PKIB: variants seen among roughly 807,000 people sequenced by gnomAD.
The protein encoded by PKIB is cAMP-dependent protein kinase inhibitor beta, also known as PKI-beta.
A neutral mutation model predicts 4.5 loss-of-function variants in PKIB; 2 were observed. That is an observed-to-expected ratio of 0.44 (90% CI 0.18 to 1.39). The LOEUF (loss-of-function observed/expected upper bound fraction) is 1.39. Ranked by LOEUF, PKIB falls within the 40% of genes most tolerant of loss-of-function variation. The probability of loss-of-function intolerance (pLI) is 0.27; values close to 1 mark genes in which losing one functional copy is unlikely to be tolerated. For missense variants in PKIB, 94 were observed against 92.6 expected (o/e 1.02, Z -0.06); for synonymous variants, 38 against 36.0 (o/e 1.06, Z -0.20).
intron 2 of PKIB, among the ~76,000 whole-genome samples, chr6:122,645,423 A>G (rs1776272186): frequency 6.6e-6 from 1 of 152,212 alleles, no homozygotes; most frequent in African/African-American, 2.4e-5. Context: ...TTATCTGGAG[A>G]GAATAATGAT....
chr6:122,513,811 G>A (rs553162284), intron 2 of PKIB, among the ~76,000 whole-genome samples: 18 of 152,186 alleles, frequency 1.2e-4, no homozygotes, highest in African/African-American at 3.6e-4. Context: ...ACATGACTTC[G>A]TTCTTTTTAA....
At chr6:122,632,870 T>G (rs1775755939) in intron 1 of PKIB, among the ~76,000 whole-genome samples, 1 of 141,818 alleles carries the variant, frequency 7.1e-6, no homozygotes. Context: ...AATGGAAATT[T>G]GAAAATCTAA....
intron 3 of PKIB, among the ~76,000 whole-genome samples, chr6:122,683,291 C>T (rs1464270032): frequency 2.0e-5 from 3 of 152,036 alleles, no homozygotes; most frequent in Non-Finnish European, 4.4e-5. Context: ...AAAGAGGCCT[C>T]AGGAATCTTC....
At chr6:122,505,049 A>G (rs954499667) in intron 2 of PKIB, among the ~76,000 whole-genome samples, 4 of 152,232 alleles carry the variant, frequency 2.6e-5, no homozygotes, top group African/African-American at 9.7e-5. Context: ...TGTTTAGGGC[A>G]AAACAGTGAC....
intron 3 of PKIB, among the ~76,000 whole-genome samples, chr6:122,714,635 T>G (rs1779405423): frequency 6.6e-6 from 1 of 152,146 alleles, no homozygotes; most frequent in Non-Finnish European, 1.5e-5. Flanking sequence ...GGGCCACTTT[T>G]TAGAAGTTCT....
At chr6:122,556,101 G>A (rs544241171) in intron 2 of PKIB, among the ~76,000 whole-genome samples, 4 of 152,154 alleles carry the variant, frequency 2.6e-5, no homozygotes, top group Non-Finnish European at 4.4e-5. Context: ...AGATGATGGG[G>A]CAGTTCCTCC....
chr6:122,554,982 G>A (rs977625241), intron 2 of PKIB, among the ~76,000 whole-genome samples: 1 of 152,134 alleles, frequency 6.6e-6, no homozygotes, highest in Non-Finnish European at 1.5e-5. Flanking sequence ...AAGGAGATGG[G>A]CAAAGCAGAA....
intron 2 of PKIB, among the ~76,000 whole-genome samples, chr6:122,538,932 T>G (rs1256602269): frequency 6.6e-6 from 1 of 152,072 alleles, no homozygotes; most frequent in Non-Finnish European, 1.5e-5. Flanking sequence ...TATTTTATTC[T>G]CTTTGAAGCA....
chr6:122,580,592 C>T (rs1773673923), intron 2 of PKIB, among the ~76,000 whole-genome samples: 1 of 152,120 alleles, frequency 6.6e-6, no homozygotes, highest in Non-Finnish European at 1.5e-5. Flanking sequence ...ATTGTAAAGC[C>T]TCCCTGAACA....
Position 122,493,291 on chromosome 6 carries a change from C to A in PKIB, c.-248+15352C>A, listed in dbSNP as rs191447163. The A allele has an allele frequency of 3.3e-4, 50 of 152,308 alleles. 1 individual carries two copies. The highest frequency in any genetic ancestry group is 1.2e-3 in the African/African-American group (48 of 41,562). 9.4% of individuals were successfully genotyped at this position (152,308 alleles called of 1,614,324 possible). The stretch of plus-strand genomic sequence containing the variant: ...ATTGGCTCCAGAGAGCTCCTTCGTC[C>A]CTTTCACCATGTGAGGACACAGCTA... On this transcript the variant is annotated intron_variant, in intron 2 of 6. Transcript: ENST00000392491.
intron 3 of PKIB, among the ~76,000 whole-genome samples, chr6:122,703,419 T>G (rs561707984): frequency 1.2e-4 from 18 of 152,262 alleles, no homozygotes; most frequent in Admixed American, 9.2e-4. Flanking sequence ...AAGCAAACAG[T>G]TGCTCTTGTG....
intron 2 of PKIB, among the ~76,000 whole-genome samples, chr6:122,540,943 C>G (rs1302848137): frequency 3.5e-4 from 53 of 151,288 alleles, no homozygotes; most frequent in Middle Eastern, 3.4e-3. Flanking sequence ...TAATGGCCTT[C>G]TTTGTCTCTT....
intron 2 of PKIB, among the ~76,000 whole-genome samples, chr6:122,574,227 T>C (rs1773463167): frequency 6.6e-6 from 1 of 151,890 alleles, no homozygotes; most frequent in Admixed American, 6.6e-5. Context: ...ACCAAGTAGG[T>C]GAAAGATCAC....
Position 122,690,915 on chromosome 6 carries a change from G to GATAT in PKIB, c.-9+15786_-9+15789dup, listed in dbSNP as rs55770226. Among the ~76,000 whole-genome samples the GATAT allele has an allele frequency of 2.8e-3, 235 of 84,878 alleles. 1 individual carries two copies. The highest frequency in any genetic ancestry group is 3.3e-3 in the South Asian group (11 of 3,286). 55.7% of individuals were successfully genotyped at this position (84,878 alleles called of 152,430 possible). On this transcript the variant is annotated intron_variant, in intron 3 of 4. Transcript: ENST00000368452. ...CCTTATTTCTCCTTCATGCTTGAAG[G>GATAT]ATATATATATATATATATTTTTTTT... is the stretch of plus-strand genomic sequence containing the variant.
At chr6:122,503,042 C>T (rs746634424) in intron 2 of PKIB, among the ~76,000 whole-genome samples, 4 of 152,120 alleles carry the variant, frequency 2.6e-5, no homozygotes, top group Non-Finnish European at 5.9e-5. Context: ...CATATGCGGT[C>T]TTCTCTCTGT....
rs752679458 is a variant in PKIB, at chr6:122,725,213, A to G, written c.*18A>G. On this transcript the variant is annotated 3_prime_UTR_variant, in exon 5 of 5. Transcript: ENST00000368452. ...AAAAATGAAGGCTCATAATCTATCA[A>G]GAGTGCTGAATTTCTGCATGTTGAA... The G allele has an allele frequency of 2.5e-6, 4 of 1,592,840 alleles. No homozygotes were observed. The East Asian group carries it at 6.7e-5, about 27-fold the overall frequency.
intron 2 of PKIB, among the ~76,000 whole-genome samples, chr6:122,485,676 G>A (rs10484444): frequency 0.11 from 17,151 of 152,194 alleles, 1,224 homozygotes; most frequent in East Asian, 0.21. Context: ...AATCTAGTAA[G>A]GATGGCTAGT....
chr6:122,634,989 T>G (rs2114831322), intron 2 of PKIB, among the ~76,000 whole-genome samples: 1 of 151,932 alleles, frequency 6.6e-6, no homozygotes, highest in East Asian at 1.9e-4. Flanking sequence ...AACCTACTTT[T>G]ATTATAAAAT....
rs1773348816 is a variant in PKIB, at chr6:122,570,969, A to G, written c.-247-14952A>G. 4.6e-5 allele frequency among the ~76,000 whole-genome samples: 7 copies of G among 152,262 alleles called. No homozygotes were observed. In the South Asian group the frequency reaches 1.2e-3, roughly 27 times the overall value. On this transcript the variant is annotated intron_variant, in intron 2 of 6. Transcript: ENST00000392491. Reference sequence around the variant, plus strand: ...TTAAGCTACTCTAGGAAATAACCAGAGAAAGGTGAAAACCAACATAAAAAA... The same window carrying G: ...TTAAGCTACTCTAGGAAATAACCAGGGAAAGGTGAAAACCAACATAAAAAA...
Sources: gnomAD v4.1 joint callset for allele counts (sites outside exome capture counted in the v4.1 genomes callset) on GRCh38, gnomAD v4.1.1 for gene constraint, MANE v1.5 for transcripts, NCBI Gene and HGNC (gene_info 2026-07-23, HGNC 2026-07-21) for gene names.